Variants in ROR1 observed in about 807,000 individuals in gnomAD.
ROR1 encodes inactive tyrosine-protein kinase transmembrane receptor ROR1.
A neutral mutation model predicts 78.8 loss-of-function variants in ROR1; 19 were observed. The ratio of observed to expected loss-of-function variants is 0.24; its 90% confidence interval spans 0.17 to 0.35. ROR1 has a LOEUF of 0.35. Among genes scored for constraint, ROR1 ranks in the 10% least tolerant of loss-of-function variants. The pLI is 1.00. For synonymous variants in ROR1, 386 were observed against 433.6 expected (o/e 0.89, Z 1.36); for missense variants, 917 against 1,177.8 (o/e 0.78, Z 3.24).
At chr1:63,898,041 G>A (rs962473647) in intron 1 of ROR1, among the ~76,000 whole-genome samples, 5 of 152,184 alleles carry the variant, frequency 3.3e-5, no homozygotes, top group Non-Finnish European at 7.4e-5. Flanking sequence ...TCTGTTGTCT[G>A]CTACATTTAG....
intron 1 of ROR1, among the ~76,000 whole-genome samples, chr1:63,942,757 C>G (rs1050308141): frequency 5.9e-5 from 9 of 152,144 alleles, no homozygotes; most frequent in Non-Finnish European, 5.9e-5. Flanking sequence ...ACCTCCTACT[C>G]TTCCCCACCG....
At chr1:64,164,913 T>C (rs1243470635) in intron 8 of ROR1, among the ~76,000 whole-genome samples, 1 of 152,214 alleles carries the variant, frequency 6.6e-6, no homozygotes, top group Non-Finnish European at 1.5e-5. Flanking sequence ...TCCATGTCCC[T>C]GCAAAGGATG....
chr1:63,894,149 T>A (rs560951430), intron 1 of ROR1, among the ~76,000 whole-genome samples: 3 of 152,210 alleles, frequency 2.0e-5, no homozygotes, highest in South Asian at 2.1e-4. Flanking sequence ...AAGTGACTCA[T>A]GGGCAGGTAG....
chr1:63,970,969 C>G (rs1000028284), intron 1 of ROR1, among the ~76,000 whole-genome samples: 1 of 152,176 alleles, frequency 6.6e-6, no homozygotes, highest in African/African-American at 2.4e-5. Flanking sequence ...TTGTCAAAAG[C>G]AAAAGCGAGC....
chr1:64,135,526 G>GGT (rs1649073062), intron 4 of ROR1, among the ~76,000 whole-genome samples: 1 of 151,952 alleles, frequency 6.6e-6, no homozygotes, highest in African/African-American at 2.4e-5. Context: ...GTGGCATGGG[G>GGT]GTGTATTCTG....
chr1:63,788,247 G>A (rs547798336), intron 1 of ROR1, among the ~76,000 whole-genome samples: 1 of 152,260 alleles, frequency 6.6e-6, no homozygotes, highest in South Asian at 2.1e-4. Flanking sequence ...TTTTTCTGAT[G>A]AGAACATTTA....
chr1:64,038,544 A>C (rs1396853897), intron 2 of ROR1, among the ~76,000 whole-genome samples: 1 of 151,874 alleles, frequency 6.6e-6, no homozygotes, highest in Non-Finnish European at 1.5e-5. Context: ...AAAAAATTCC[A>C]CCGATTGCAA....
Position 64,177,963 on chromosome 1 carries a change from A to G in ROR1, c.1922A>G (p.Tyr641Cys). 6.2e-7 allele frequency: 1 copy of G among 1,614,144 alleles called. No individual in the cohort carries two copies. Among genetic ancestry groups the G allele is most frequent in the Non-Finnish European group, 8.5e-7 (1 of 1,180,034 alleles). ...ISDLGLSREI[Y>C]SADYYRVQSK... Reference sequence around the variant, plus strand: ...GACTTGGGGCTTTCCAGAGAAATTTACTCCGCTGATTACTACAGGGTCCAG... The same window carrying G: ...GACTTGGGGCTTTCCAGAGAAATTTGCTCCGCTGATTACTACAGGGTCCAG... The change falls in exon 9 of 9, where the codon TAC (tyrosine) becomes TGC (cysteine). Residue 641 changes from tyrosine to cysteine, a missense_variant. Physicochemically the swap from Tyr to Cys is radical, Grantham distance 194 (BLOSUM62 -2). Transcript: ENST00000371079.
chr1:64,140,260 C>G lies in ROR1; in HGVS notation c.762C>G (p.Ile254Met), dbSNP rs1649260240. 2 of 1,613,978 alleles carry G rather than the reference C, an allele frequency of 1.2e-6. No individual in the cohort carries two copies. The highest frequency in any genetic ancestry group is 8.5e-7 in the Non-Finnish European group (1 of 1,180,016). Reference protein sequence around the residue: ...PRDLCRDECEILENVLCQTEY... With the variant: ...PRDLCRDECEMLENVLCQTEY... ...ACTTGTGTCGCGATGAATGTGAAAT[C>G]CTGGAGAATGTCCTGTGTCAAACAG... Residue 254 changes from isoleucine (I) to methionine (M), a missense_variant, in exon 6 of 9, where the codon ATC (isoleucine) becomes ATG (methionine). By Grantham distance (10) the Ile-to-Met change is conservative (BLOSUM62 1). Coordinates refer to ENST00000371079, the MANE Select transcript of ROR1 (RefSeq NM_005012.4).
intron 1 of ROR1, among the ~76,000 whole-genome samples, chr1:63,946,251 C>G (rs896125712): frequency 6.6e-5 from 10 of 152,190 alleles, no homozygotes; most frequent in African/African-American, 1.4e-4. Flanking sequence ...GGTTCCTCCT[C>G]TCTGCTTTAC....
intron 7 of ROR1, among the ~76,000 whole-genome samples, chr1:64,151,949 A>C (rs1184299430): frequency 1.3e-5 from 2 of 152,098 alleles, no homozygotes; most frequent in African/African-American, 4.8e-5. Context: ...AAATCAGAGA[A>C]CCTTGGGAGC....
intron 1 of ROR1, among the ~76,000 whole-genome samples, chr1:63,898,410 A>T (rs1645457965): frequency 6.6e-6 from 1 of 151,998 alleles, no homozygotes; most frequent in African/African-American, 2.4e-5. Context: ...AAAAAAAGGA[A>T]AGAATAAAAG....
chr1:63,980,526 A>G (rs1320556974), intron 1 of ROR1, among the ~76,000 whole-genome samples: 1 of 152,238 alleles, frequency 6.6e-6, no homozygotes, highest in African/African-American at 2.4e-5. Flanking sequence ...AAGTACTACC[A>G]TTGGCTTTAT....
chr1:63,850,007 T>C (rs1645104061), intron 1 of ROR1, among the ~76,000 whole-genome samples: 1 of 152,242 alleles, frequency 6.6e-6, no homozygotes, highest in Non-Finnish European at 1.5e-5. Flanking sequence ...TAATCTGTCC[T>C]TTAAATGTGA....
At chr1:64,114,512 C>G (rs1467419715) in intron 4 of ROR1, among the ~76,000 whole-genome samples, 1 of 152,124 alleles carries the variant, frequency 6.6e-6, no homozygotes, top group Non-Finnish European at 1.5e-5. Flanking sequence ...AGAACCCCGG[C>G]TCCACAGCCC....
intron 1 of ROR1, chr1:63,789,126 T>G (rs1389867012): frequency 6.6e-6 from 4 of 610,640 alleles, no homozygotes; most frequent in African/African-American, 1.8e-5. Flanking sequence ...GCATCGAGCC[T>G]GGGAATGGAC....
At chr1:63,931,273 C>G (rs941756124) in intron 1 of ROR1, among the ~76,000 whole-genome samples, 2 of 152,188 alleles carry the variant, frequency 1.3e-5, no homozygotes, top group African/African-American at 4.8e-5. Context: ...CAGAGTGAGA[C>G]TCTGTCTCAA....
intron 7 of ROR1, among the ~76,000 whole-genome samples, chr1:64,144,752 G>C (rs1377846233): frequency 6.6e-6 from 1 of 152,154 alleles, no homozygotes; most frequent in Non-Finnish European, 1.5e-5. Flanking sequence ...TTTCCACTAA[G>C]CATACTCTCT....
At chr1:63,959,674 T>C (rs1189633135) in intron 1 of ROR1, among the ~76,000 whole-genome samples, 3 of 152,216 alleles carry the variant, frequency 2.0e-5, no homozygotes, top group Non-Finnish European at 2.9e-5. Context: ...CCATCTTTGC[T>C]GGGCACAGTT....
Sources: allele counts gnomAD v4.1 joint callset (sites outside exome capture counted in the v4.1 genomes callset), GRCh38; gene constraint gnomAD v4.1.1; transcripts MANE v1.5; gene names NCBI Gene and HGNC (gene_info 2026-07-23, HGNC 2026-07-21).